The following KCNG1 variants were observed in gnomAD, a reference collection of about 807,000 sequenced individuals.
KCNG1 encodes potassium voltage-gated channel modifier subfamily G member 1, also known as voltage-gated potassium channel regulatory subunit KCNG1.
A neutral mutation model predicts 32.4 loss-of-function variants in KCNG1; 17 were observed. That is an observed-to-expected ratio of 0.52 (90% CI 0.36 to 0.79). The LOEUF is 0.79. Ranked by LOEUF, KCNG1 falls within the 30% of genes least tolerant of loss-of-function variation. The pLI is 0.00. For synonymous variants in KCNG1, 358 were observed against 339.9 expected (o/e 1.05, Z -0.59); for missense variants, 441 against 735.2 (o/e 0.60, Z 4.63).
At chr20:51,021,616 T>A (rs1894946377) in intron 1 of KCNG1, among the ~76,000 whole-genome samples, 1 of 152,130 alleles carries the variant, frequency 6.6e-6, no homozygotes, top group African/African-American at 2.4e-5. Flanking sequence ...TCCCTCCTCT[T>A]ACTTCCCCCT....
chr20:51,011,514 A>G (rs1281740495), intron 1 of KCNG1, among the ~76,000 whole-genome samples: 1 of 152,148 alleles, frequency 6.6e-6, no homozygotes, highest in African/African-American at 2.4e-5. Context: ...ATGCTGTTGC[A>G]TGTCCTACAA....
At position 51,010,048 on chromosome 20, in the gene KCNG1, G is replaced by A. The variant is rs757990972; in HGVS notation, c.291C>T (p.Asn97=). Reference sequence around the variant, plus strand: ...CGCACACGTTGAGGATGTCGTCGAAGTTGGTGCAGGCCTTGAGCTGGCCCA... The same window carrying A: ...CGCACACGTTGAGGATGTCGTCGAAATTGGTGCAGGCCTTGAGCTGGCCCA... ...TRLGQLKACT[N]FDDILNVCDD... is the part of the protein sequence containing the mutation. Residue 97 remains asparagine (N), a synonymous_variant, in exon 2 of 3, where the codon AAC becomes AAT. Transcript: ENST00000371571. 40 of 1,614,004 alleles carry A rather than the reference G, an allele frequency of 2.5e-5. No individual in the cohort carries two copies. Among genetic ancestry groups the A allele is most frequent in the East Asian group, 2.2e-4 (10 of 44,892 alleles).
intron 1 of KCNG1, among the ~76,000 whole-genome samples, chr20:51,019,997 T>C (rs1450495440): frequency 1.3e-5 from 2 of 152,216 alleles, no homozygotes. Flanking sequence ...CCCACCACCC[T>C]GGGCCTTGGC....
At chr20:51,012,622 C>T (rs1252856500) in intron 1 of KCNG1, among the ~76,000 whole-genome samples, 1 of 152,230 alleles carries the variant, frequency 6.6e-6, no homozygotes, top group Non-Finnish European at 1.5e-5. Flanking sequence ...GCTACTGGAA[C>T]AAGATTGCTT....
chr20:51,009,740 G>C lies in KCNG1; in HGVS notation c.599C>G (p.Ala200Gly). Residue 200 changes from alanine (A) to glycine (G), a missense_variant, in exon 2 of 3, where the codon GCC becomes GGC. By Grantham distance (60) the Ala-to-Gly change is moderately conservative. Transcript: ENST00000371571. ...DSEGRDSEGP[A>G]EGEGRLGRCM... ...GCGCCCCAGGCGGCCCTCGCCCTCG[G>C]CCGGGCCCTCGCTGTCGCGGCCCTC... 6.2e-7 allele frequency: 1 copy of C among 1,607,690 alleles called. No individual in the cohort carries two copies. The highest frequency in any genetic ancestry group is 8.5e-7 in the Non-Finnish European group (1 of 1,179,220).
At position 51,010,234 on chromosome 20, in the gene KCNG1, G is replaced by A; in HGVS notation, c.105C>T (p.Ile35=). 6.4e-7 allele frequency: 1 copy of A among 1,559,240 alleles called. No homozygotes were observed. The highest frequency in any genetic ancestry group is 2.2e-5 in the East Asian group (1 of 44,494). The change falls in exon 2 of 3, where the codon ATC becomes ATT. Residue 35 remains isoleucine (I), a synonymous_variant. Transcript: ENST00000371571. ...GCGCCCGGCGGTAGAACGCGCCCTT[G>A]ATGGCCTGGCGCTGCGGGAGGAAGG... ...HPAFLPQRQA[I]KGAFYRRAQR... is the part of the protein sequence containing the mutation.
rs1209375211 is a variant in KCNG1 at position 51,015,106 on chromosome 20, G to C, written c.-26-4742C>G. 6.6e-6 allele frequency among the ~76,000 whole-genome samples: 1 copy of C among 152,186 alleles called. No individual in the cohort carries two copies. Among genetic ancestry groups the C allele is most frequent in the African/African-American group, 2.4e-5 (1 of 41,446 alleles). ...TGCCAGGTCAGTGGACAACGAGTGG[G>C]CTGGGGAGCCCAGGCTGGAGGCTAT... On this transcript the variant is annotated intron_variant, in intron 1 of 2. Transcript: ENST00000371571. The surrounding 1 kb of genome is among the most constrained non-coding windows in gnomAD (Gnocchi z 4.4).
chr20:51,005,907 C>T lies in KCNG1; in HGVS notation c.775-1101G>A, dbSNP rs1987808582. Reference sequence around the variant, plus strand: ...TAGAGGCTGGAGATATGAACTAATACCTGGTGGGGCTTTAAGGTCTTAGAC... The same window carrying T: ...TAGAGGCTGGAGATATGAACTAATATCTGGTGGGGCTTTAAGGTCTTAGAC... On this transcript the variant is annotated intron_variant, in intron 2 of 2. Transcript: ENST00000371571. The surrounding 1 kb of genome is among the most constrained non-coding windows in gnomAD (Gnocchi z 4.0). 6.6e-6 allele frequency: 1 copy of T among 152,200 alleles called. No individual in the cohort carries two copies. Among genetic ancestry groups the T allele is most frequent in the South Asian group, 2.1e-4 (1 of 4,824 alleles). 9.4% of individuals were successfully genotyped at this position (152,200 alleles called of 1,614,324 possible).
At chr20:51,017,801 T>A (rs1988333411) in intron 1 of KCNG1, among the ~76,000 whole-genome samples, 1 of 152,022 alleles carries the variant, frequency 6.6e-6, no homozygotes, top group South Asian at 2.1e-4. Flanking sequence ...TCACCTGGAC[T>A]CCCCTGCCCA....
chr20:51,005,003 T>C lies in KCNG1; in HGVS notation c.775-197A>G. The C allele has an allele frequency of 2.0e-6, 1 of 509,652 alleles. No homozygotes were observed. The highest frequency in any genetic ancestry group is 3.4e-6 in the Non-Finnish European group (1 of 295,476). 31.6% of individuals were successfully genotyped at this position (509,652 alleles called of 1,614,324 possible). On this transcript the variant is annotated intron_variant, in intron 2 of 2. Transcript: ENST00000371571. The surrounding 1 kb of genome is among the most constrained non-coding windows in gnomAD (Gnocchi z 4.0). ...GCACCATCTCTACACTGGCCGCTCCTCATCTCTCTCTCCAGCCCCCACCTC... is the reference window on the plus strand; with the variant it reads ...GCACCATCTCTACACTGGCCGCTCCCCATCTCTCTCTCCAGCCCCCACCTC...
At chr20:51,010,504 T>A in intron 1 of KCNG1, 140 bp from the exon 2 acceptor site, 1 of 635,718 alleles carries the variant, frequency 1.6e-6, no homozygotes, top group Non-Finnish European at 2.6e-6. Context: ...TAGCCCTCAA[T>A]GGGATGGTAT....
chr20:51,014,232 T>C (rs1208760972), intron 1 of KCNG1: 1 of 152,230 alleles, frequency 6.6e-6, no homozygotes, highest in East Asian at 1.9e-4. Flanking sequence ...AACAGGCATA[T>C]TTCTCCATGG....
At position 51,004,702 on chromosome 20, in the gene KCNG1, C is replaced by T. The variant is rs753531025; in HGVS notation, c.879G>A (p.Lys293=). The change falls in exon 3 of 3, where the codon AAG becomes AAA. Residue 293 remains lysine (K), a synonymous_variant. Coordinates refer to ENST00000371571, the MANE Select transcript of KCNG1 (RefSeq NM_002237.4). This position sits in a 1 kb window ranked among gnomAD's most constrained non-coding sequence, Gnocchi z 4.3. ...FLLRLIQAPS[K]FAFLRSPLTL... The stretch of plus-strand genomic sequence containing the variant: ...TCAGCGGGCTCCGCAGGAAGGCGAA[C>T]TTGCTGGGCGCCTGAATGAGCCGCA... 2 of 1,597,798 alleles carry T rather than the reference C, an allele frequency of 1.3e-6. No homozygotes were observed. Among genetic ancestry groups the T allele is most frequent in the African/African-American group, 2.7e-5 (2 of 74,654 alleles).
At chr20:51,019,555 C>T (rs1357161166) in intron 1 of KCNG1, among the ~76,000 whole-genome samples, 1 of 152,056 alleles carries the variant, frequency 6.6e-6, no homozygotes, top group Non-Finnish European at 1.5e-5. Flanking sequence ...TGCTTTAAGC[C>T]ACTAAATGTG....
Position 51,009,564 on chromosome 20 carries a change from C to G in KCNG1, c.774+1G>C. The G allele has an allele frequency of 6.3e-7, 1 of 1,597,966 alleles. No individual in the cohort carries two copies. Among genetic ancestry groups the G allele is most frequent in the South Asian group, 1.1e-5 (1 of 88,560 alleles). On this transcript the variant is annotated splice_donor_variant, in intron 2 of 2. Transcript: ENST00000371571. LOFTEE classifies it high-confidence loss of function. ...TTTCCCCGCGGGGCGTGGGCTCTTA[C>G]CTGCTCCTCCTCCTCCCTCAGGCTG...
chr20:51,017,435 A>AG (rs1333786652), intron 1 of KCNG1, among the ~76,000 whole-genome samples: 1 of 152,214 alleles, frequency 6.6e-6, no homozygotes, highest in East Asian at 1.9e-4. Flanking sequence ...GGGCAGAGGA[A>AG]GGGGAAGAAG....
rs553481381 is a variant in KCNG1, at chr20:51,007,757, T to C, written c.774+1808A>G. ...ACCACTGTACTCCAGTACAGTGTAA[T>C]CTTAGCACTTTGGGAGGCAGAGGTG... On this transcript the variant is annotated intron_variant, in intron 2 of 2. Coordinates refer to ENST00000371571, the MANE Select transcript of KCNG1 (RefSeq NM_002237.4). 2.6e-5 allele frequency among the ~76,000 whole-genome samples: 4 copies of C among 152,130 alleles called. No homozygotes were observed. The South Asian group carries it at 8.3e-4, about 32-fold the overall frequency.
intron 1 of KCNG1, among the ~76,000 whole-genome samples, chr20:51,018,822 C>A (rs1299715218): frequency 6.6e-6 from 1 of 152,188 alleles, no homozygotes; most frequent in Non-Finnish European, 1.5e-5. Flanking sequence ...CCAGGCCGAA[C>A]CTCTTTGACC....
Position 51,004,253 on chromosome 20 carries a change from C to T in KCNG1, c.1328G>A (p.Ser443Asn). The stretch of plus-strand genomic sequence containing the variant: ...GAGCAGGATGCCGCTCAGGATGCTG[C>T]TCAGGGCCACTACCTGGCCCGGGGT... ...RSTPGQVVAL[S>N]SILSGILLMA... is the part of the protein sequence containing the mutation. Residue 443 changes from serine (S) to asparagine (N), a missense_variant, in exon 3 of 3, where the codon AGC (serine) becomes AAC (asparagine). By Grantham distance (46) the Ser-to-Asn change is conservative (BLOSUM62 1). Coordinates refer to ENST00000371571, the MANE Select transcript of KCNG1 (RefSeq NM_002237.4). The surrounding 1 kb of genome is among the most constrained non-coding windows in gnomAD (Gnocchi z 4.3). 1 of 1,613,986 alleles carries T rather than the reference C, an allele frequency of 6.2e-7. No individual in the cohort carries two copies. Among genetic ancestry groups the T allele is most frequent in the Non-Finnish European group, 8.5e-7 (1 of 1,179,898 alleles).
Sources: gnomAD v4.1 joint callset for allele counts (sites outside exome capture counted in the v4.1 genomes callset) on GRCh38, gnomAD v4.1.1 for gene constraint, Gnocchi (gnomAD v3.1) non-coding constraint, MANE v1.5 for transcripts, NCBI Gene and HGNC (gene_info 2026-07-23, HGNC 2026-07-21) for gene names.